NEDD4L: variants seen among roughly 807,000 people sequenced by gnomAD.
The protein encoded by NEDD4L is NEDD4 like E3 ubiquitin protein ligase.
A neutral mutation model predicts 148.9 loss-of-function variants in NEDD4L; 54 were observed. The observed-to-expected ratio is 0.36, with a 90% CI of 0.29 to 0.45. The LOEUF (loss-of-function observed/expected upper bound fraction) is 0.45. Ranked by LOEUF, NEDD4L falls within the 20% of genes least tolerant of loss-of-function variation. NEDD4L has a pLI of 1.00. For synonymous variants in NEDD4L, 433 were observed against 440.7 expected, an observed-to-expected ratio of 0.98 and a Z score of 0.22; for missense variants, 856 against 1,233.8, an observed-to-expected ratio of 0.69 and a Z score of 4.59.
At chr18:58,351,931 C>T (rs750541382) in intron 18 of NEDD4L, among the ~76,000 whole-genome samples, 8 of 152,146 alleles carry the variant, frequency 5.3e-5, no homozygotes, top group Non-Finnish European at 1.0e-4. Context: ...AATCCTCACA[C>T]GTATAGGACT....
intron 2 of NEDD4L, chr18:58,221,865 C>G (rs2043810935): frequency 1.2e-5 from 4 of 335,068 alleles, no homozygotes; most frequent in African/African-American, 2.2e-5. Context: ...CGGCATAGTT[C>G]TAGCATGTAC....
chr18:58,248,409 CT>C (rs200077779), intron 3 of NEDD4L, among the ~76,000 whole-genome samples: 3 of 151,266 alleles, frequency 2.0e-5, no homozygotes, highest in Non-Finnish European at 4.4e-5. Context: ...TACATTTGGT[CT>C]TTTTTTTTCT....
At chr18:58,328,960 C>A (rs2059556691) in intron 9 of NEDD4L, 35 bp from the exon 10 acceptor site, 1 of 1,613,320 alleles carries the variant, frequency 6.2e-7, no homozygotes, top group East Asian at 2.2e-5. Flanking sequence ...TCAACCACTT[C>A]TCTTCTTCTC....
Position 58,256,828 on chromosome 18 carries a change from T to A in NEDD4L, c.297+4774T>A, listed in dbSNP as rs922897993. ...TACTGATTTCAACTTCGATGCTTAC[T>A]CTGCGGCGTAACCAAAATAAAACCT... On this transcript the variant is annotated intron_variant, in intron 5 of 30. Transcript: ENST00000400345. The surrounding 1 kb of genome is among the most constrained non-coding windows in gnomAD (Gnocchi z 5.2). 4.9e-6 allele frequency: 6 copies of A among 1,221,146 alleles called. No homozygotes were observed. In the African/African-American group the frequency reaches 9.3e-5, roughly 19 times the overall value. 75.6% of individuals were successfully genotyped at this position (1,221,146 alleles called of 1,614,324 possible).
intron 1 of NEDD4L, among the ~76,000 whole-genome samples, chr18:58,067,841 G>A (rs756239432): frequency 5.3e-5 from 8 of 152,244 alleles, no homozygotes; most frequent in Non-Finnish European, 1.2e-4. Context: ...TGAGATGACA[G>A]CTGCTGGTGG....
At chr18:58,222,280 T>C (rs977699353) in intron 2 of NEDD4L, among the ~76,000 whole-genome samples, 1 of 152,198 alleles carries the variant, frequency 6.6e-6, no homozygotes, top group Admixed American at 6.5e-5. Context: ...TCAAGTAAAA[T>C]ACCATCTTAG....
At chr18:58,212,776 T>TATATATTTCA (rs111661378) in intron 2 of NEDD4L, among the ~76,000 whole-genome samples, 5 of 151,486 alleles carry the variant, frequency 3.3e-5, no homozygotes, top group Admixed American at 2.6e-4. Context: ...CTAGCCTGAA[T>TATATATTTCA]ATATATTTTT....
chr18:58,341,445 C>T (rs2042405927), intron 14 of NEDD4L, among the ~76,000 whole-genome samples: 2 of 152,168 alleles, frequency 1.3e-5, no homozygotes, highest in Admixed American at 6.5e-5. Context: ...CCTGCCCAGC[C>T]CCCACTTTAA....
chr18:58,381,412 A>G (rs920902340), intron 24 of NEDD4L, among the ~76,000 whole-genome samples: 5 of 152,174 alleles, frequency 3.3e-5, no homozygotes, highest in South Asian at 2.1e-4. Flanking sequence ...TCTGGAAATT[A>G]CAACTTTCAG....
chr18:58,205,115 G>A (rs1448546683), intron 2 of NEDD4L, among the ~76,000 whole-genome samples: 1 of 152,238 alleles, frequency 6.6e-6, no homozygotes, highest in Non-Finnish European at 1.5e-5. Context: ...AGTAAGCAAT[G>A]TAGAATCAAA....
At chr18:58,050,878 A>G (rs181694611) in intron 1 of NEDD4L, among the ~76,000 whole-genome samples, 2 of 152,358 alleles carry the variant, frequency 1.3e-5, no homozygotes, top group Admixed American at 6.5e-5. Flanking sequence ...AATGAAAACC[A>G]TTGCATGGTA....
At chr18:58,370,169 G>A (rs899392416) in intron 22 of NEDD4L, among the ~76,000 whole-genome samples, 8 of 152,138 alleles carry the variant, frequency 5.3e-5, no homozygotes, top group African/African-American at 1.9e-4. Flanking sequence ...CCTCCCAGAG[G>A]CCTTTCTGGC....
chr18:58,297,366 T>C (rs1273408408), intron 5 of NEDD4L, among the ~76,000 whole-genome samples: 1 of 152,072 alleles, frequency 6.6e-6, no homozygotes, highest in Non-Finnish European at 1.5e-5. Context: ...TGCAGCTGAG[T>C]TGAGTGATTA....
chr18:58,250,977 C>T (rs1349250664), intron 4 of NEDD4L, among the ~76,000 whole-genome samples: 3 of 152,118 alleles, frequency 2.0e-5, no homozygotes, highest in Non-Finnish European at 2.9e-5. Flanking sequence ...CCCAGTAGCT[C>T]TGTCATTGCC....
At chr18:58,333,354 C>T (rs867822696) in intron 11 of NEDD4L, among the ~76,000 whole-genome samples, 1 of 151,736 alleles carries the variant, frequency 6.6e-6, no homozygotes, top group Non-Finnish European at 1.5e-5. Context: ...TGTCTGAGCT[C>T]CTCTGAATAT....
intron 20 of NEDD4L, 137 bp from the exon 21 acceptor site, chr18:58,365,862 A>C (rs2046051838): frequency 9.8e-6 from 6 of 615,286 alleles, no homozygotes; most frequent in Non-Finnish European, 1.7e-5. Context: ...TAAAGGAGAG[A>C]ATCTCAGTTG....
chr18:58,194,277 G>A (rs2040427026), intron 2 of NEDD4L, among the ~76,000 whole-genome samples: 1 of 152,186 alleles, frequency 6.6e-6, no homozygotes, highest in African/African-American at 2.4e-5. Context: ...AGATGGTGAT[G>A]CGGCCTCTTG....
At chr18:58,260,559 T>C (rs1019632074) in intron 5 of NEDD4L, among the ~76,000 whole-genome samples, 1 of 152,204 alleles carries the variant, frequency 6.6e-6, no homozygotes, top group Admixed American at 6.5e-5. Flanking sequence ...AATGGTGTTA[T>C]TTCACTGTTT....
chr18:58,301,613 G>T (rs1005641459), intron 5 of NEDD4L, among the ~76,000 whole-genome samples: 2 of 152,330 alleles, frequency 1.3e-5, no homozygotes, highest in Middle Eastern at 6.8e-3. Context: ...GCTCAGAGAG[G>T]CTAGGGAGCT....
Sources: gnomAD v4.1 joint callset for allele counts (sites outside exome capture counted in the v4.1 genomes callset) on GRCh38, gnomAD v4.1.1 for gene constraint, Gnocchi (gnomAD v3.1) non-coding constraint, MANE v1.5 for transcripts, NCBI Gene and HGNC (gene_info 2026-07-23, HGNC 2026-07-21) for gene names.